The following PCDHGB6 variants were observed in gnomAD, a reference collection of about 807,000 sequenced individuals.
PCDHGB6 encodes the protein protocadherin gamma subfamily B, 6.
PCDHGB6 carries 51 observed loss-of-function variants against 59.1 expected under a neutral mutation model. That is an observed-to-expected ratio of 0.86 (90% CI 0.69 to 1.09). The LOEUF (loss-of-function observed/expected upper bound fraction) is 1.09. Among genes scored for constraint, PCDHGB6 ranks in the 50% least tolerant of loss-of-function variants. The pLI, the probability that PCDHGB6 is intolerant of heterozygous loss-of-function variation, is 0.00. For synonymous variants in PCDHGB6, 466 were observed against 495.1 expected (o/e 0.94, Z 0.78); for missense variants, 1,148 against 1,205.1 (o/e 0.95, Z 0.70).
At chr5:141,426,445 A>T (rs2096937062) in intron 1 of PCDHGB6, 1 of 310,256 alleles carries the variant, frequency 3.2e-6, no homozygotes, top group East Asian at 8.0e-5. Context: ...TGCGGAGGAC[A>T]TGCGGCTGCA....
rs781367282 is a variant in PCDHGB6 at position 141,485,525 on chromosome 5, C to G, written c.2419-9282C>G. On this transcript the variant is annotated intron_variant, in intron 1 of 3. Transcript: ENST00000520790. This position sits in a 1 kb window ranked among gnomAD's most constrained non-coding sequence, Gnocchi z 5.7. ...CACCGAAGGTCCTTTGGAAATGTAC[C>G]GAGCAGAGGTAGAGATCGTAGATGT... is the stretch of plus-strand genomic sequence containing the variant. 5 of 1,614,122 alleles carry G rather than the reference C, an allele frequency of 3.1e-6. No homozygotes were observed. The highest frequency in any genetic ancestry group is 2.5e-6 in the Non-Finnish European group (3 of 1,180,022).
At chr5:141,507,121 G>A (rs940889204) in intron 3 of PCDHGB6, 1 of 152,126 alleles carries the variant, frequency 6.6e-6, no homozygotes, top group African/African-American at 2.4e-5. Flanking sequence ...GGCTGCCTTT[G>A]GATCCAGCCT....
At position 141,490,148 on chromosome 5, in the gene PCDHGB6, A is replaced by G. The variant is rs2154582223; in HGVS notation, c.2419-4659A>G. The G allele has an allele frequency of 1.2e-6, 2 of 1,614,232 alleles. No homozygotes were observed. The highest frequency in any genetic ancestry group is 4.5e-5 in the East Asian group (2 of 44,888). On this transcript the variant is annotated intron_variant, in intron 1 of 3. Coordinates refer to ENST00000520790, the MANE Select transcript of PCDHGB6 (RefSeq NM_018926.3). The surrounding 1 kb of genome is among the most constrained non-coding windows in gnomAD (Gnocchi z 5.4). The stretch of plus-strand genomic sequence containing the variant: ...CTAGACCCTAGCAGTGGGGCAATCC[A>G]TGTGTTGGGTCCCATAGACTTTGAG...
In PCDHGB6 at chr5:141,461,830, C is replaced by CT. The variant is rs1030113508; in HGVS notation, c.2419-32967dup. On this transcript the variant is annotated intron_variant, in intron 1 of 3. Transcript: ENST00000520790. Reference sequence around the variant, plus strand: ...CACCACACCCAGCTAATTTTTTTTTCTTTTTTTTTTGAGACAGAGTTTTGC... The same window carrying CT: ...CACCACACCCAGCTAATTTTTTTTTCTTTTTTTTTTTGAGACAGAGTTTTGC... Among the ~76,000 whole-genome samples, 192 of 145,246 alleles carry CT rather than the reference C, an allele frequency of 1.3e-3. 1 individual carries two copies. In the Middle Eastern group the frequency reaches 0.022, roughly 16 times the overall value.
intron 2 of PCDHGB6, among the ~76,000 whole-genome samples, chr5:141,499,940 G>A (rs1158937971): frequency 4.0e-5 from 6 of 151,722 alleles, no homozygotes; most frequent in Non-Finnish European, 8.8e-5. Flanking sequence ...CACCCTCCTC[G>A]GCCTCCCAAA....
Position 141,415,740 on chromosome 5 carries a change from GTTTTTTTTTTTTTTTT to G in PCDHGB6, c.2418+5137_2418+5152del, listed in dbSNP as rs57426385. 54 of 625,040 alleles carry G rather than the reference GTTTTTTTTTTTTTTTT, an allele frequency of 8.6e-5. 1 individual carries two copies. The East Asian group carries it at 1.4e-3, about 16-fold the overall frequency. The allele number at this position is 625,040 out of a possible 1,614,324, so 38.7% of individuals were successfully genotyped here. ...TGAGTAGAATTTGATGTTTATTAAG[GTTTTTTTTTTTTTTTT>G]TTTTTTTTTTTTTTTTACTTTCTGG... On this transcript the variant is annotated intron_variant, in intron 1 of 3. Transcript: ENST00000520790.
intron 1 of PCDHGB6, among the ~76,000 whole-genome samples, chr5:141,447,677 A>G (rs748479750): frequency 6.6e-6 from 1 of 152,184 alleles, no homozygotes; most frequent in Non-Finnish European, 1.5e-5. Context: ...GAACTGTTCC[A>G]TATCTTGATA....
intron 3 of PCDHGB6, among the ~76,000 whole-genome samples, chr5:141,506,363 C>T (rs1013247178): frequency 4.0e-5 from 6 of 150,792 alleles, no homozygotes; most frequent in South Asian, 4.2e-4. Context: ...GCAGGAGAAT[C>T]GCTTGAACCT....
intron 2 of PCDHGB6, among the ~76,000 whole-genome samples, chr5:141,501,290 T>TACACACACACACAC (rs55762287): frequency 7.3e-6 from 1 of 136,164 alleles, no homozygotes; most frequent in Non-Finnish European, 1.6e-5. Context: ...TATTCCCTTA[T>TACACACACACACAC]ACACACACAC....
chr5:141,430,235 G>T (rs1020445956), intron 1 of PCDHGB6, among the ~76,000 whole-genome samples: 3 of 128,670 alleles, frequency 2.3e-5, no homozygotes, highest in Non-Finnish European at 4.7e-5. Context: ...GTCAAAAAGA[G>T]AAACTCCTAG....
intron 1 of PCDHGB6, among the ~76,000 whole-genome samples, chr5:141,434,616 T>C (rs911085192): frequency 1.3e-5 from 2 of 152,204 alleles, no homozygotes; most frequent in East Asian, 1.9e-4. Context: ...TCCGCCCATC[T>C]CTTCGTTTCC....
chr5:141,485,821 T>C lies in PCDHGB6; in HGVS notation c.2419-8986T>C, dbSNP rs765768266. 4 of 1,614,134 alleles carry C rather than the reference T, an allele frequency of 2.5e-6. No homozygotes were observed. Among genetic ancestry groups the C allele is most frequent in the Admixed American group, 1.7e-5 (1 of 60,014 alleles). ...ACCGCCTGGTGCTGACTGCTGTCGATGGAGGGAACCCGCCGAGATCTGGCA... is the reference window on the plus strand; with the variant it reads ...ACCGCCTGGTGCTGACTGCTGTCGACGGAGGGAACCCGCCGAGATCTGGCA... On this transcript the variant is annotated intron_variant, in intron 1 of 3. Coordinates refer to ENST00000520790, the MANE Select transcript of PCDHGB6 (RefSeq NM_018926.3). This position sits in a 1 kb window ranked among gnomAD's most constrained non-coding sequence, Gnocchi z 5.7.
At chr5:141,492,755 C>T (rs938918009) in intron 1 of PCDHGB6, among the ~76,000 whole-genome samples, 3 of 152,262 alleles carry the variant, frequency 2.0e-5, no homozygotes, top group African/African-American at 7.2e-5. Flanking sequence ...CGCGGCAGGG[C>T]TCCGCGTTGG....
At position 141,486,735 on chromosome 5, in the gene PCDHGB6, G is replaced by T; in HGVS notation, c.2419-8072G>T. 6.2e-7 allele frequency: 1 copy of T among 1,614,176 alleles called. No individual in the cohort carries two copies. The highest frequency in any genetic ancestry group is 1.1e-5 in the South Asian group (1 of 91,086). On this transcript the variant is annotated intron_variant, in intron 1 of 3. Coordinates refer to ENST00000520790, the MANE Select transcript of PCDHGB6 (RefSeq NM_018926.3). The surrounding 1 kb of genome is among the most constrained non-coding windows in gnomAD (Gnocchi z 5.0). Reference sequence around the variant, plus strand: ...CAGACAGGAGCTGTTCATGCTACTCGATCCTTTGACTATGAGCAAACCCAG... The same window carrying T: ...CAGACAGGAGCTGTTCATGCTACTCTATCCTTTGACTATGAGCAAACCCAG...
chr5:141,490,549 C>T lies in PCDHGB6; in HGVS notation c.2419-4258C>T, dbSNP rs2099701539. ...TGCTGGTTCACCTTCCCTACACAAA[C>T]ATCTCACCATCAGGCTCAACATTTC... On this transcript the variant is annotated intron_variant, in intron 1 of 3. Transcript: ENST00000520790. The surrounding 1 kb of genome is among the most constrained non-coding windows in gnomAD (Gnocchi z 5.4). The T allele has an allele frequency of 1.9e-6, 3 of 1,614,178 alleles. No homozygotes were observed. The highest frequency in any genetic ancestry group is 1.7e-6 in the Non-Finnish European group (2 of 1,180,024).
At position 141,477,483 on chromosome 5, in the gene PCDHGB6, A is replaced by T; in HGVS notation, c.2419-17324A>T. ...TCCGACATCAATGACAACCCTCCAC[A>T]ATCTTCTCAATCTTCCTACGACGTT... On this transcript the variant is annotated intron_variant, in intron 1 of 3. Coordinates refer to ENST00000520790, the MANE Select transcript of PCDHGB6 (RefSeq NM_018926.3). The surrounding 1 kb of genome is among the most constrained non-coding windows in gnomAD (Gnocchi z 4.9). 1 of 1,614,028 alleles carries T rather than the reference A, an allele frequency of 6.2e-7. No homozygotes were observed.
At position 141,409,172 on chromosome 5, in the gene PCDHGB6, G is replaced by T. The variant is rs574905228; in HGVS notation, c.970G>T (p.Gly324Ter). ...RYTMEVEAKD[G>*]GGLSTQCKVI... ...CACCATGGAAGTGGAAGCGAAGGAC[G>T]GAGGTGGTCTCTCTACCCAGTGTAA... Residue 324 changes from glycine to a stop codon, truncating the protein, a stop_gained, in exon 1 of 4, where the codon GGA becomes TGA. Coordinates refer to ENST00000520790, the MANE Select transcript of PCDHGB6 (RefSeq NM_018926.3). LOFTEE classifies it high-confidence loss of function. The T allele has an allele frequency of 1.4e-5, 22 of 1,614,006 alleles. No homozygotes were observed. In the South Asian group the frequency reaches 2.4e-4, roughly 18 times the overall value.
Position 141,491,140 on chromosome 5 carries a change from T to A in PCDHGB6, c.2419-3667T>A, listed in dbSNP as rs1392575961. On this transcript the variant is annotated intron_variant, in intron 1 of 3. Coordinates refer to ENST00000520790, the MANE Select transcript of PCDHGB6 (RefSeq NM_018926.3). This position sits in a 1 kb window ranked among gnomAD's most constrained non-coding sequence, Gnocchi z 6.9. ...TGGTGAGGTGCGCACAGCCCGGGCC[T>A]TACTGGAGGATGACTCTGACACCCA... 2 of 1,614,110 alleles carry A rather than the reference T, an allele frequency of 1.2e-6. No individual in the cohort carries two copies. Among genetic ancestry groups the A allele is most frequent in the Non-Finnish European group, 1.7e-6 (2 of 1,179,992 alleles).
At chr5:141,502,710 C>T (rs2099815750) in intron 2 of PCDHGB6, among the ~76,000 whole-genome samples, 1 of 152,168 alleles carries the variant, frequency 6.6e-6, no homozygotes, top group South Asian at 2.1e-4. Context: ...GTTTTTACAT[C>T]AGTGATTACA....
Sources: gnomAD v4.1 joint callset for allele counts (sites outside exome capture counted in the v4.1 genomes callset) on GRCh38, gnomAD v4.1.1 for gene constraint, Gnocchi (gnomAD v3.1) non-coding constraint, MANE v1.5 for transcripts, NCBI Gene and HGNC (gene_info 2026-07-23, HGNC 2026-07-21) for gene names.